CFAP299: variants seen among roughly 807,000 people sequenced by gnomAD.
CFAP299 encodes the protein cilia and flagella associated protein 299.
Under a neutral mutation model 27.0 loss-of-function variants are expected in CFAP299, and 21 were observed. The observed-to-expected ratio is 0.78, with a 90% CI of 0.55 to 1.12. CFAP299 has a LOEUF of 1.12. CFAP299 is among the 50% of genes most tolerant of loss of function. The pLI, the probability that CFAP299 is intolerant of heterozygous loss-of-function variation, is 0.00. For missense variants in CFAP299, 310 were observed against 276.6 expected (o/e 1.12, Z -0.86); for synonymous variants, 104 against 98.1 (o/e 1.06, Z -0.36).
chr4:80,875,970 C>A (rs1284278475), intron 4 of CFAP299, among the ~76,000 whole-genome samples: 1 of 151,994 alleles, frequency 6.6e-6, no homozygotes, highest in Admixed American at 6.6e-5. Context: ...TGGTCTCCCT[C>A]AGGTTGTTCC....
chr4:80,873,089 C>G, intron 4 of CFAP299: 5 of 837,776 alleles, frequency 6.0e-6, no homozygotes, highest in Non-Finnish European at 7.2e-6. Flanking sequence ...TATAGTTTTG[C>G]TTTTGATTTT....
chr4:80,586,928 G>T (rs1382245310), intron 3 of CFAP299, among the ~76,000 whole-genome samples: 3 of 150,682 alleles, frequency 2.0e-5, no homozygotes, highest in Non-Finnish European at 4.4e-5. Flanking sequence ...AAAAAACATT[G>T]CCTACAGCTT....
At chr4:80,893,094 C>A (rs1734425778) in intron 4 of CFAP299, among the ~76,000 whole-genome samples, 1 of 151,094 alleles carries the variant, frequency 6.6e-6, no homozygotes. Flanking sequence ...TAACAACAAA[C>A]TATCTAAAGA....
At chr4:80,791,979 A>G (rs549030032) in intron 3 of CFAP299, among the ~76,000 whole-genome samples, 1 of 151,982 alleles carries the variant, frequency 6.6e-6, no homozygotes, top group East Asian at 1.9e-4. Flanking sequence ...AACTTCAGCA[A>G]ATGGCTACTA....
Position 80,517,549 on chromosome 4 carries a change from G to T in CFAP299, c.243-65544G>T, listed in dbSNP as rs1732646059. Among the ~76,000 whole-genome samples the T allele has an allele frequency of 2.0e-5, 3 of 152,162 alleles. No individual in the cohort carries two copies. The South Asian group carries it at 6.2e-4, about 32-fold the overall frequency. On this transcript the variant is annotated intron_variant, in intron 2 of 5. Coordinates refer to ENST00000358105, the MANE Select transcript of CFAP299 (RefSeq NM_152770.3). The stretch of plus-strand genomic sequence containing the variant: ...TTAATTTTTGTTGTGTAATGTTAAG[G>T]TTATTGTTTTATCTTGAGAAACGAT...
At chr4:80,390,967 ATATGTATG>A (rs1374298542) in intron 2 of CFAP299, among the ~76,000 whole-genome samples, 1 of 145,890 alleles carries the variant, frequency 6.9e-6, no homozygotes, top group Non-Finnish European at 1.5e-5. Context: ...ATATATGTAT[ATATGTATG>A]TACACACATG....
At chr4:80,861,559 C>G (rs1483527430) in intron 3 of CFAP299, among the ~76,000 whole-genome samples, 1 of 152,178 alleles carries the variant, frequency 6.6e-6, no homozygotes, top group Non-Finnish European at 1.5e-5. Flanking sequence ...CTTGGCTGCT[C>G]TCCAATCATC....
At chr4:80,512,082 C>G (rs907323509) in intron 2 of CFAP299, among the ~76,000 whole-genome samples, 1 of 152,132 alleles carries the variant, frequency 6.6e-6, no homozygotes, top group Non-Finnish European at 1.5e-5. Flanking sequence ...TCGTTCAACT[C>G]TTTCAGCACT....
At chr4:80,863,059 A>C (rs1250149533) in intron 3 of CFAP299, among the ~76,000 whole-genome samples, 1 of 152,098 alleles carries the variant, frequency 6.6e-6, no homozygotes, top group Admixed American at 6.6e-5. Flanking sequence ...CTAGCACATA[A>C]CGATTCCTTC....
chr4:80,359,095 T>A (rs115311555), intron 1 of CFAP299, among the ~76,000 whole-genome samples: 152 of 152,276 alleles, frequency 1.0e-3, no homozygotes, highest in African/African-American at 3.3e-3. Flanking sequence ...TTTGGCCAAA[T>A]ATGAAATTCT....
At chr4:80,329,927 A>G in the CFAP299 span, among the ~76,000 whole-genome samples, 3 of 152,070 alleles carry the variant, frequency 2.0e-5, no homozygotes, top group Non-Finnish European at 4.4e-5. Flanking sequence ...GGTTTTAACG[A>G]TGTCTCCTTT....
At chr4:80,588,736 C>T (rs1295687863) in intron 3 of CFAP299, among the ~76,000 whole-genome samples, 4 of 143,664 alleles carry the variant, frequency 2.8e-5, no homozygotes, top group South Asian at 2.1e-4. Context: ...TTAATTAAGA[C>T]AATTAAAAAA....
At chr4:80,773,582 A>C (rs1437628508) in intron 3 of CFAP299, among the ~76,000 whole-genome samples, 2 of 152,110 alleles carry the variant, frequency 1.3e-5, no homozygotes, top group Non-Finnish European at 2.9e-5. Flanking sequence ...CATAGTGGGT[A>C]ATTTTCCTTT....
At chr4:80,395,326 G>A (rs1725721718) in intron 2 of CFAP299, among the ~76,000 whole-genome samples, 1 of 152,030 alleles carries the variant, frequency 6.6e-6, no homozygotes, top group South Asian at 2.1e-4. Flanking sequence ...TTAAGCAAAT[G>A]TCACCTGCAA....
intron 4 of CFAP299, among the ~76,000 whole-genome samples, chr4:80,914,066 A>C (rs1279470210): frequency 6.6e-6 from 1 of 152,198 alleles, no homozygotes; most frequent in Non-Finnish European, 1.5e-5. Context: ...CACTATAAAG[A>C]TATGCCACGA....
chr4:80,883,649 C>T (rs1033531872), intron 4 of CFAP299, among the ~76,000 whole-genome samples: 33 of 151,786 alleles, frequency 2.2e-4, no homozygotes, highest in African/African-American at 7.7e-4. Flanking sequence ...TTATATTAGA[C>T]AAAATAGACT....
At chr4:80,684,845 A>C (rs76794020) in intron 3 of CFAP299, among the ~76,000 whole-genome samples, 1,782 of 152,180 alleles carry the variant, frequency 0.012, 30 homozygotes, top group African/African-American at 0.041. Flanking sequence ...CTACTTATAC[A>C]GTCTCAAAAT....
chr4:80,799,892 A>AATATTAT lies in CFAP299; in HGVS notation c.334-70099_334-70098insATTATAT, dbSNP rs1346218919. The stretch of plus-strand genomic sequence containing the variant: ...TATATATTATATTATATAATATATA[A>AATATTAT]ATTATATATTATAATATAATATATA... On this transcript the variant is annotated intron_variant, in intron 3 of 5. Coordinates refer to ENST00000358105, the MANE Select transcript of CFAP299 (RefSeq NM_152770.3). Among the ~76,000 whole-genome samples the AATATTAT allele has an allele frequency of 5.4e-3, 207 of 38,210 alleles. 3 individuals carry two copies. The highest frequency in any genetic ancestry group is 0.029 in the Middle Eastern group (1 of 34). 25.1% of individuals were successfully genotyped at this position (38,210 alleles called of 152,430 possible). A position where few individuals can be genotyped will look rare whatever the true frequency, so the allele number is the denominator to read the frequency against.
intron 3 of CFAP299, among the ~76,000 whole-genome samples, chr4:80,782,577 AATATATAATATATTC>A (rs1488000540): frequency 7.6e-6 from 1 of 130,738 alleles, no homozygotes; most frequent in Non-Finnish European, 1.7e-5. Flanking sequence ...TACATATATG[AATATATAATATATTC>A]ATATATAATA....
Sources: gnomAD v4.1 joint callset for allele counts (sites outside exome capture counted in the v4.1 genomes callset) on GRCh38, gnomAD v4.1.1 for gene constraint, MANE v1.5 for transcripts, NCBI Gene and HGNC (gene_info 2026-07-23, HGNC 2026-07-21) for gene names.